Variants in USP36 observed in about 807,000 individuals in gnomAD.
The protein encoded by USP36 is ubiquitin carboxyl-terminal hydrolase 36.
USP36 carries 59 observed loss-of-function variants against 111.5 expected under a neutral mutation model. The observed-to-expected ratio is 0.53, with a 90% CI of 0.43 to 0.66. The LOEUF is 0.66. Ranked by LOEUF, USP36 falls within the 30% of genes least tolerant of loss-of-function variation. The pLI, the probability that USP36 is intolerant of heterozygous loss-of-function variation, is 0.00. For missense variants in USP36, 1,488 were observed against 1,468.0 expected (o/e 1.01, Z -0.22); for synonymous variants, 628 against 581.0 (o/e 1.08, Z -1.16).
At chr17:78,802,287 C>T (rs547342462) in intron 17 of USP36, 37 bp downstream of exon 17, 7 of 1,524,018 alleles carry the variant, frequency 4.6e-6, no homozygotes, top group African/African-American at 4.2e-5. Context: ...GCCCGGTGCA[C>T]ACCCATGCGG....
At position 78,818,691 on chromosome 17, in the gene USP36, G is replaced by A. The variant is rs9894078; in HGVS notation, c.999C>T (p.Asn333=). 1.9e-6 allele frequency: 3 copies of A among 1,613,998 alleles called. No homozygotes were observed. The highest frequency in any genetic ancestry group is 2.5e-6 in the Non-Finnish European group (3 of 1,179,878). The change falls in exon 10 of 21, where the codon AAC becomes AAT. Residue 333 remains asparagine, a synonymous_variant. Transcript: ENST00000449938. ...CCTTGGTGATCTTCCCCCCGCTGAA[G>A]TTGGCAAAGCGCTTGAGGGAAAGGG... ...VLTLSLKRFA[N]FSGGKITKDV...
At chr17:78,806,444 G>A (rs190434027) in intron 14 of USP36, among the ~76,000 whole-genome samples, 158 bp from the exon 15 acceptor site, 11 of 152,310 alleles carry the variant, frequency 7.2e-5, no homozygotes, top group Admixed American at 2.0e-4. Context: ...GTGAGGGGCA[G>A]GGGAATGGTA....
intron 13 of USP36, among the ~76,000 whole-genome samples, chr17:78,808,581 A>G (rs1217688567): frequency 6.6e-6 from 1 of 152,196 alleles, no homozygotes; most frequent in Non-Finnish European, 1.5e-5. Flanking sequence ...TTTACTATAT[A>G]TACTATGTAC....
At chr17:78,804,202 C>G (rs1358928801) in intron 15 of USP36, among the ~76,000 whole-genome samples, 7 of 152,240 alleles carry the variant, frequency 4.6e-5, no homozygotes, top group Middle Eastern at 6.8e-3. Flanking sequence ...TGGCTCATGC[C>G]TATAATTCCA....
At chr17:78,806,805 G>C (rs2093914337) in intron 14 of USP36, among the ~76,000 whole-genome samples, 154 bp downstream of exon 14, 1 of 152,218 alleles carries the variant, frequency 6.6e-6, no homozygotes, top group African/African-American at 2.4e-5. Flanking sequence ...TTCTTTAATT[G>C]CAAATGGCTG....
At chr17:78,813,460 C>G (rs150845794) in intron 12 of USP36, among the ~76,000 whole-genome samples, 7 of 152,166 alleles carry the variant, frequency 4.6e-5, no homozygotes, top group Non-Finnish European at 1.0e-4. Context: ...CTTCCCCACA[C>G]GGGAAGGGGC....
At chr17:78,836,729 G>A (rs1210431969) in intron 2 of USP36, among the ~76,000 whole-genome samples, 5 of 151,974 alleles carry the variant, frequency 3.3e-5, no homozygotes, top group Admixed American at 1.3e-4. Flanking sequence ...AGGTCATCAC[G>A]TGGTCCAAAT....
intron 7 of USP36, chr17:78,821,397 TA>T (rs2094317589): frequency 4.1e-5 from 2 of 48,602 alleles, no homozygotes; most frequent in African/African-American, 2.1e-4. Context: ...AATATATATA[TA>T]TATATATATA....
intron 2 of USP36, among the ~76,000 whole-genome samples, chr17:78,837,158 T>C (rs2068761831): frequency 6.6e-6 from 1 of 152,222 alleles, no homozygotes; most frequent in South Asian, 2.1e-4. Context: ...GTGGCTACTA[T>C]AAAATTTTAA....
In USP36 at chr17:78,797,058, G is replaced by C. The variant is rs544835227; in HGVS notation, c.*842C>G. On this transcript the variant is annotated 3_prime_UTR_variant, in exon 21 of 21. Transcript: ENST00000449938. ...GAAAGGAAACATATTGCTAATGGAAGCCACAGGACTGGTCAAAAATAAATG... is the reference window on the plus strand; with the variant it reads ...GAAAGGAAACATATTGCTAATGGAACCCACAGGACTGGTCAAAAATAAATG... The C allele has an allele frequency of 1.9e-4, 29 of 152,230 alleles. No homozygotes were observed. The highest frequency in any genetic ancestry group is 6.5e-4 in the African/African-American group (27 of 41,462). The allele number at this position is 152,230 out of a possible 1,614,324, so 9.4% of individuals were successfully genotyped here.
At chr17:78,793,241 G>A (rs575006262), downstream of USP36, among the ~76,000 whole-genome samples, 1 of 152,128 alleles carries the variant, frequency 6.6e-6, no homozygotes, top group African/African-American at 2.4e-5. Flanking sequence ...AATTCTTGAG[G>A]TAGCCTTGGA....
In USP36 at chr17:78,835,457, G is replaced by A. The variant is rs1323486679; in HGVS notation, c.298C>T (p.Pro100Ser). 1.9e-6 allele frequency: 3 copies of A among 1,612,858 alleles called. No individual in the cohort carries two copies. Among genetic ancestry groups the A allele is most frequent in the Non-Finnish European group, 2.5e-6 (3 of 1,179,490 alleles). The change falls in exon 4 of 21, where the codon CCG becomes TCG. Residue 100 changes from proline to serine, a missense_variant. Around this residue, in one of 3 missense-constraint regions of USP36, gnomAD observed 219 missense variants for 209.5 expected, o/e 1.05. Coordinates refer to ENST00000449938, the MANE Select transcript of USP36 (RefSeq NM_001385174.1). ...TCCGTGGGGAAAAGCACTTTCTGCG[G>A]GGCTGGGACTCCGTCACCACAGCTC... The part of the protein sequence containing the change: ...YESCGDGVPA[P>S]QKVLFPTERL...
At position 78,798,949 on chromosome 17, in the gene USP36, T is replaced by A. The variant is rs769152603; in HGVS notation, c.3199A>T (p.Thr1067Ser). 3.1e-6 allele frequency: 5 copies of A among 1,614,144 alleles called. No individual in the cohort carries two copies. In the South Asian group the frequency reaches 5.5e-5, roughly 18 times the overall value. ...TCTTCGTCCCAGTCATCAACCACGG[T>A]CTCAGTCCGGGCCTGTCTGCTGTCT... ...IEDSRQARTE[T>S]VVDDWDEEFD... Residue 1067 changes from threonine (T) to serine (S), a missense_variant, in exon 19 of 21, where the codon ACC becomes TCC. Thr to Ser is a moderately conservative substitution (Grantham distance 58). Around this residue, in one of 3 missense-constraint regions of USP36, gnomAD observed 1,073 missense variants for 994.1 expected, o/e 1.08. Transcript: ENST00000449938. This position sits in a 1 kb window ranked among gnomAD's most constrained non-coding sequence, Gnocchi z 5.1.
At chr17:78,840,640 G>A in intron 1 of USP36, 96 bp downstream of exon 1, 1 of 152,004 alleles carries the variant, frequency 6.6e-6, no homozygotes, top group Non-Finnish European at 1.5e-5. Context: ...TCCCGGCTGC[G>A]CCCGCCAGCC....
At chr17:78,811,676 T>C (rs1411730291) in intron 13 of USP36, among the ~76,000 whole-genome samples, 3 of 152,032 alleles carry the variant, frequency 2.0e-5, no homozygotes, top group Non-Finnish European at 4.4e-5. Context: ...GAGACCATCC[T>C]GGCTAATAAA....
intron 13 of USP36, among the ~76,000 whole-genome samples, chr17:78,809,514 T>C (rs1318994751): frequency 3.3e-5 from 5 of 152,058 alleles, no homozygotes; most frequent in East Asian, 1.9e-4. Flanking sequence ...ATGAAAATGC[T>C]CATGGTCAGT....
At position 78,806,234 on chromosome 17, in the gene USP36, G is replaced by A. The variant is rs1405353303; in HGVS notation, c.2138C>T (p.Ser713Leu). The change falls in exon 15 of 21, where the codon TCA becomes TTA. Residue 713 changes from serine to leucine, a missense_variant. This residue lies in a region of USP36 where 1,073 missense variants were observed against 994.1 expected (regional missense o/e 1.08). Transcript: ENST00000449938. ...TGNDLRPPPPSPSSDLTHPMK... is the reference protein window; with the variant it reads ...TGNDLRPPPPLPSSDLTHPMK... ...GGGGTGGGTGAGGTCGGAGGATGGT[G>A]AGGGGGGAGGTGGACGGAGGTCATT... 1 of 1,613,916 alleles carries A rather than the reference G, an allele frequency of 6.2e-7. No homozygotes were observed. Among genetic ancestry groups the A allele is most frequent in the Non-Finnish European group, 8.5e-7 (1 of 1,180,020 alleles).
downstream of USP36, among the ~76,000 whole-genome samples, chr17:78,793,000 G>A (rs2093595982): frequency 6.6e-6 from 1 of 152,058 alleles, no homozygotes; most frequent in East Asian, 1.9e-4. Flanking sequence ...ACAGGTGTGA[G>A]CCACCGCGCC....
chr17:78,787,484 G>C (rs750932341), exon 4 of USP36: 1 of 152,194 alleles, frequency 6.6e-6, no homozygotes, highest in Non-Finnish European at 1.5e-5. Flanking sequence ...AGAACCATTT[G>C]TAATCAAAAT....
Sources: gnomAD v4.1 joint callset for allele counts (sites outside exome capture counted in the v4.1 genomes callset) on GRCh38, gnomAD v4.1.1 for gene constraint, gnomAD v4.1.1 regional missense constraint, Gnocchi (gnomAD v3.1) non-coding constraint, MANE v1.5 for transcripts, NCBI Gene and HGNC (gene_info 2026-07-23, HGNC 2026-07-21) for gene names.